NHERF1: variants seen among roughly 807,000 people sequenced by gnomAD.
NHERF1 encodes the protein Na(+)/H(+) exchange regulatory cofactor NHE-RF1.
chr17:74,764,123 G>A, the NHERF1 span, among the ~76,000 whole-genome samples: 1 of 152,262 alleles, frequency 6.6e-6, no homozygotes, highest in African/African-American at 2.4e-5. This position sits in a 1 kb window ranked among gnomAD's most constrained non-coding sequence, Gnocchi z 4.9. Flanking sequence ...CTGCACCGGG[G>A]CAGGGAGGGG....
the NHERF1 span, chr17:74,749,174 C>G: frequency 0.025 from 38,801 of 1,533,822 alleles, 619 homozygotes; most frequent in Non-Finnish European, 0.031. This position sits in a 1 kb window ranked among gnomAD's most constrained non-coding sequence, Gnocchi z 5.6. Flanking sequence ...CCGAGAGGAG[C>G]TGCTGCGCGC....
chr17:74,763,390 G>A, the NHERF1 span: 9,972 of 1,614,112 alleles, frequency 6.2e-3, 49 homozygotes, highest in Non-Finnish European at 7.6e-3. Flanking sequence ...GCATGGAGGG[G>A]AAGCAGCATG....
At chr17:74,768,800 A>G in the NHERF1 span, 6 of 719,058 alleles carry the variant, frequency 8.3e-6, no homozygotes, top group East Asian at 2.7e-5. Flanking sequence ...CTAGAGAACT[A>G]TGTTCTTCCC....
At chr17:74,759,101 AG>A in the NHERF1 span, among the ~76,000 whole-genome samples, 2 of 152,186 alleles carry the variant, frequency 1.3e-5, no homozygotes, top group Non-Finnish European at 2.9e-5. Flanking sequence ...GGAAGTCTCT[AG>A]GGACTTGGGA....
chr17:74,760,142 G>A, the NHERF1 span, among the ~76,000 whole-genome samples: 2 of 152,206 alleles, frequency 1.3e-5, no homozygotes, highest in Non-Finnish European at 2.9e-5. The surrounding 1 kb of genome is among the most constrained non-coding windows in gnomAD (Gnocchi z 4.5). Flanking sequence ...CTGGCTGGGA[G>A]CTTTGTGGAG....
At chr17:74,748,757 C>T in the NHERF1 span, 108 of 1,228,768 alleles carry the variant, frequency 8.8e-5, no homozygotes, top group African/African-American at 1.5e-3. The surrounding 1 kb of genome is among the most constrained non-coding windows in gnomAD (Gnocchi z 4.3). Context: ...TGCTGCGCTC[C>T]CGGTTCGCTG....
the NHERF1 span, chr17:74,769,225 CTT>C: frequency 6.5e-6 from 1 of 153,336 alleles, no homozygotes; most frequent in African/African-American, 2.4e-5. Flanking sequence ...CAGCCTTAAA[CTT>C]TTGTTCCTAC....
the NHERF1 span, among the ~76,000 whole-genome samples, chr17:74,750,889 G>T: frequency 6.6e-6 from 1 of 151,802 alleles, no homozygotes; most frequent in East Asian, 1.9e-4. Flanking sequence ...GCACACGTGC[G>T]CAAAGGCAGC....
At chr17:74,748,908 C>G in the NHERF1 span, 1 of 1,600,308 alleles carries the variant, frequency 6.2e-7, no homozygotes. The surrounding 1 kb of genome is among the most constrained non-coding windows in gnomAD (Gnocchi z 4.3). Flanking sequence ...GAGAAGGGTC[C>G]GAACGGCTAC....
the NHERF1 span, among the ~76,000 whole-genome samples, chr17:74,757,334 G>A: frequency 3.3e-5 from 5 of 152,146 alleles, no homozygotes; most frequent in Admixed American, 3.3e-4. Context: ...GCTAGGAGCA[G>A]TGAGTGACTT....
chr17:74,754,408 T>C, the NHERF1 span, among the ~76,000 whole-genome samples: 1 of 146,820 alleles, frequency 6.8e-6, no homozygotes, highest in African/African-American at 2.5e-5. Flanking sequence ...TCTTTTTTTT[T>C]TTTTTTTTTT....
the NHERF1 span, chr17:74,763,628 C>T: frequency 2.2e-5 from 25 of 1,136,874 alleles, no homozygotes; most frequent in Non-Finnish European, 3.1e-5. Context: ...GGCAGCTTCC[C>T]GGCATGGGTG....
the NHERF1 span, chr17:74,763,418 A>G: frequency 6.2e-7 from 1 of 1,614,140 alleles, no homozygotes. Flanking sequence ...GGTGTCCGCC[A>G]TCAGGGCTGG....
the NHERF1 span, among the ~76,000 whole-genome samples, chr17:74,757,257 G>A: frequency 6.6e-6 from 1 of 152,104 alleles, no homozygotes; most frequent in Non-Finnish European, 1.5e-5. Context: ...TCTCCCTCCT[G>A]GTTCCCACCC....
chr17:74,761,211 G>C, the NHERF1 span, among the ~76,000 whole-genome samples: 1 of 152,176 alleles, frequency 6.6e-6, no homozygotes, highest in African/African-American at 2.4e-5. The surrounding 1 kb of genome is among the most constrained non-coding windows in gnomAD (Gnocchi z 4.3). Flanking sequence ...GCCACACTGG[G>C]CTCCCTTTAG....
At chr17:74,759,891 A>C in the NHERF1 span, among the ~76,000 whole-genome samples, 1 of 152,172 alleles carries the variant, frequency 6.6e-6, no homozygotes, top group Non-Finnish European at 1.5e-5. Flanking sequence ...TCTGAGCCTC[A>C]GTTTCCCCAT....
the NHERF1 span, chr17:74,749,116 G>A: frequency 6.3e-7 from 1 of 1,576,980 alleles, no homozygotes; most frequent in East Asian, 2.3e-5. The surrounding 1 kb of genome is among the most constrained non-coding windows in gnomAD (Gnocchi z 5.6). Context: ...GCCTGCTGGT[G>A]GTCGACCCCG....
chr17:74,760,349 A>G, the NHERF1 span, among the ~76,000 whole-genome samples: 1 of 152,062 alleles, frequency 6.6e-6, no homozygotes, highest in East Asian at 1.9e-4. This position sits in a 1 kb window ranked among gnomAD's most constrained non-coding sequence, Gnocchi z 4.5. Flanking sequence ...TTTGTGAGCC[A>G]CTCACGTTTT....
chr17:74,764,079 C>G, the NHERF1 span, among the ~76,000 whole-genome samples: 1 of 152,236 alleles, frequency 6.6e-6, no homozygotes, highest in African/African-American at 2.4e-5. This position sits in a 1 kb window ranked among gnomAD's most constrained non-coding sequence, Gnocchi z 4.9. Flanking sequence ...GGCGCCTCCC[C>G]CTGCCCAGGC....
Sources: gnomAD v4.1 joint callset for allele counts (sites outside exome capture counted in the v4.1 genomes callset) on GRCh38, gnomAD v4.1.1 for gene constraint, Gnocchi (gnomAD v3.1) non-coding constraint, MANE v1.5 for transcripts, NCBI Gene and HGNC (gene_info 2026-07-23, HGNC 2026-07-21) for gene names.